PLEKHA7: variants seen among roughly 807,000 people sequenced by gnomAD.
PLEKHA7 encodes pleckstrin homology domain containing A7, also known as pleckstrin homology domain-containing family A member 7.
A neutral mutation model predicts 170.0 loss-of-function variants in PLEKHA7; 104 were observed. The ratio of observed to expected loss-of-function variants is 0.61; its 90% CI spans 0.52 to 0.72. PLEKHA7 has a LOEUF of 0.72. Ranked by LOEUF, PLEKHA7 falls within the 30% of genes least tolerant of loss-of-function variation. PLEKHA7 has a pLI of 0.00. For missense variants in PLEKHA7, 1,615 were observed against 1,671.7 expected (o/e 0.97, Z 0.59); for synonymous variants, 648 against 660.8 (o/e 0.98, Z 0.30).
intron 13 of PLEKHA7, among the ~76,000 whole-genome samples, chr11:16,804,898 C>G (rs568790109): frequency 2.7e-5 from 4 of 150,682 alleles, no homozygotes; most frequent in East Asian, 2.0e-4. Context: ...GCGGGGGGGG[C>G]GGTGCAGGGA....
chr11:16,936,957 G>A (rs931448831), intron 3 of PLEKHA7, among the ~76,000 whole-genome samples: 1 of 152,236 alleles, frequency 6.6e-6, no homozygotes, highest in Non-Finnish European at 1.5e-5. Context: ...TTCCAGCAAT[G>A]TGACCTTGGG....
intron 3 of PLEKHA7, among the ~76,000 whole-genome samples, chr11:16,945,925 C>T (rs1314331682): frequency 6.6e-6 from 1 of 152,242 alleles, no homozygotes; most frequent in Non-Finnish European, 1.5e-5. Context: ...GCTCTGCCTT[C>T]CCATCTAGGT....
At chr11:16,881,810 CAG>C (rs1309665418) in intron 3 of PLEKHA7, among the ~76,000 whole-genome samples, 1 of 152,144 alleles carries the variant, frequency 6.6e-6, no homozygotes, top group Non-Finnish European at 1.5e-5. Flanking sequence ...TCATACCAGT[CAG>C]GGCAGGGAAA....
rs538928908 is a variant in PLEKHA7, at chr11:16,798,132, C to T, written c.2409+2842G>A. Among the ~76,000 whole-genome samples, 9 of 152,368 alleles carry T rather than the reference C, an allele frequency of 5.9e-5. No homozygotes were observed. In the South Asian group the frequency reaches 1.9e-3, roughly 32 times the overall value. ...ATTTTCCTGCAGCCAAACCTGACTA[C>T]AGGGAGGCGAATTTCTAAGCCCTGT... On this transcript the variant is annotated intron_variant, in intron 17 of 26. Transcript: ENST00000531066.
At chr11:16,786,460 C>A in intron 23 of PLEKHA7, 73 bp from the exon 24 acceptor site, 1 of 1,525,914 alleles carries the variant, frequency 6.6e-7, no homozygotes, top group South Asian at 1.2e-5. Context: ...CACCTTTTTC[C>A]ATGGGGTCCT....
rs1939328274 is a variant in PLEKHA7, at chr11:16,790,420, A to G, written c.3052+378T>C. 2.3e-5 allele frequency: 5 copies of G among 216,036 alleles called. No homozygotes were observed. In the South Asian group the frequency reaches 4.0e-4, roughly 17 times the overall value. 13.4% of individuals were successfully genotyped at this position (216,036 alleles called of 1,614,324 possible). ...ACTGGGATTGTCTTCCGGTTCCACC[A>G]ATGACCAGCTAATTGGCAAGTTATT... On this transcript the variant is annotated intron_variant, in intron 21 of 26. Coordinates refer to ENST00000531066, the MANE Select transcript of PLEKHA7 (RefSeq NM_001329630.2).
At chr11:16,835,327 A>G (rs1346221642) in intron 9 of PLEKHA7, among the ~76,000 whole-genome samples, 1 of 152,162 alleles carries the variant, frequency 6.6e-6, no homozygotes, top group Non-Finnish European at 1.5e-5. Flanking sequence ...GGGCCAGAAG[A>G]ATAGGAAGAG....
intron 3 of PLEKHA7, among the ~76,000 whole-genome samples, chr11:16,999,147 C>T (rs1015454973): frequency 6.6e-6 from 1 of 152,124 alleles, no homozygotes; most frequent in Admixed American, 6.5e-5. Context: ...CCCATTCCCC[C>T]AGGACCAGCT....
In PLEKHA7 at chr11:16,961,734, G is replaced by A. The variant is rs1243887252; in HGVS notation, c.221+52255C>T. 3.9e-5 allele frequency among the ~76,000 whole-genome samples: 6 copies of A among 152,356 alleles called. No individual in the cohort carries two copies. In the South Asian group the frequency reaches 1.0e-3, roughly 26 times the overall value. On this transcript the variant is annotated intron_variant, in intron 3 of 26. Transcript: ENST00000531066. ...CAGACCCATGGCATCTTCCAGAGAG[G>A]GGGTGAGAAGGCCATGGACTTTTGA...
At chr11:16,955,051 T>C (rs1565152005) in intron 3 of PLEKHA7, among the ~76,000 whole-genome samples, 1 of 152,216 alleles carries the variant, frequency 6.6e-6, no homozygotes, top group Non-Finnish European at 1.5e-5. Flanking sequence ...GTCAGAGTAA[T>C]TTTTAATTCC....
chr11:16,816,824 C>T lies in PLEKHA7; in HGVS notation c.1842G>A (p.Arg614=), dbSNP rs2134706792. Reference sequence around the variant, plus strand: ...CCTTGACAGCGTGGCCCCGTGCCCTCCTTGGAGAATCCCCCAGCGAGATGT... The same window carrying T: ...CCTTGACAGCGTGGCCCCGTGCCCTTCTTGGAGAATCCCCCAGCGAGATGT... ...SVDISLGDSP[R]RARGHAVKNS... is the part of the protein sequence containing the mutation. The change falls in exon 11 of 27, where the codon AGG becomes AGA. Residue 614 remains arginine (R), a synonymous_variant. Coordinates refer to ENST00000531066, the MANE Select transcript of PLEKHA7 (RefSeq NM_001329630.2). The T allele has an allele frequency of 1.2e-6, 2 of 1,614,114 alleles. No homozygotes were observed. Among genetic ancestry groups the T allele is most frequent in the Admixed American group, 3.3e-5 (2 of 60,030 alleles).
intron 5 of PLEKHA7, 115 bp downstream of exon 5, chr11:16,855,688 T>C (rs753729119): frequency 4.3e-5 from 34 of 791,378 alleles, no homozygotes; most frequent in Non-Finnish European, 7.0e-5. Flanking sequence ...GGGAGAACAC[T>C]TCTTATGGGT....
intron 6 of PLEKHA7, among the ~76,000 whole-genome samples, chr11:16,854,153 C>CAAGGAGAG (rs1853226970): frequency 1.3e-5 from 2 of 152,116 alleles, no homozygotes; most frequent in Admixed American, 1.3e-4. Context: ...GAATGACTGG[C>CAAGGAGAG]AAGGAGAGAA....
intron 3 of PLEKHA7, among the ~76,000 whole-genome samples, chr11:17,006,617 A>C (rs1259389503): frequency 7.6e-6 from 1 of 131,766 alleles, no homozygotes; most frequent in Non-Finnish European, 1.6e-5. Context: ...ACACAGCAAG[A>C]CTCAGTCTCA....
intron 3 of PLEKHA7, among the ~76,000 whole-genome samples, chr11:16,932,085 T>A (rs1357503345): frequency 6.6e-6 from 1 of 152,142 alleles, no homozygotes; most frequent in East Asian, 1.9e-4. Context: ...TGAGTTAAAA[T>A]CTAGGCTCAC....
intron 3 of PLEKHA7, among the ~76,000 whole-genome samples, chr11:16,975,722 TAAC>T (rs1365513795): frequency 6.6e-6 from 1 of 152,226 alleles, no homozygotes; most frequent in East Asian, 1.9e-4. Flanking sequence ...AACAAGATGT[TAAC>T]AGGGATTATC....
At chr11:16,852,077 C>T (rs1853014761) in intron 7 of PLEKHA7, among the ~76,000 whole-genome samples, 1 of 152,190 alleles carries the variant, frequency 6.6e-6, no homozygotes, top group Admixed American at 6.5e-5. Context: ...CAGAGTACCT[C>T]AAAGGTGGAC....
chr11:16,954,622 T>G (rs1022537800), intron 3 of PLEKHA7, among the ~76,000 whole-genome samples: 1 of 151,948 alleles, frequency 6.6e-6, no homozygotes, highest in African/African-American at 2.4e-5. Flanking sequence ...AATAAATTTC[T>G]TTGGAAGATA....
intron 7 of PLEKHA7, among the ~76,000 whole-genome samples, chr11:16,851,954 G>A (rs1276416918): frequency 6.6e-6 from 1 of 152,126 alleles, no homozygotes; most frequent in African/African-American, 2.4e-5. Flanking sequence ...ATGTTCTGGG[G>A]CTCCACAGAA....
Sources: allele counts gnomAD v4.1 joint callset (sites outside exome capture counted in the v4.1 genomes callset), GRCh38; gene constraint gnomAD v4.1.1; transcripts MANE v1.5; gene names NCBI Gene and HGNC (gene_info 2026-07-23, HGNC 2026-07-21).